The following NNMT variants were observed in gnomAD, a reference collection of about 807,000 sequenced individuals.
NNMT encodes the protein nicotinamide N-methyltransferase.
A neutral mutation model predicts 11.7 loss-of-function variants in NNMT; 10 were observed. That is an observed-to-expected ratio of 0.85 (90% CI 0.53 to 1.45). NNMT has a LOEUF of 1.45. Ranked by LOEUF, NNMT falls within the 40% of genes most tolerant of loss-of-function variation. NNMT has a pLI of 0.00. For synonymous variants in NNMT, 143 were observed against 133.8 expected, an observed-to-expected ratio of 1.07 and a Z score of -0.48; for missense variants, 381 against 319.4, an observed-to-expected ratio of 1.19 and a Z score of -1.47.
chr11:114,263,697 G>T (rs998124014), intron 2 of NNMT, among the ~76,000 whole-genome samples: 1 of 152,106 alleles, frequency 6.6e-6, no homozygotes, highest in African/African-American at 2.4e-5. Context: ...TAAAAGTCCC[G>T]AATTTCTGCC....
chr11:114,303,753 G>A (rs1365315349), intron 2 of NNMT, among the ~76,000 whole-genome samples: 1 of 151,982 alleles, frequency 6.6e-6, no homozygotes, highest in Non-Finnish European at 1.5e-5. Flanking sequence ...GTCTTGCTCT[G>A]TCACCCACAC....
chr11:114,272,560 G>A (rs1277858064), intron 2 of NNMT, among the ~76,000 whole-genome samples: 1 of 152,192 alleles, frequency 6.6e-6, no homozygotes, highest in Non-Finnish European at 1.5e-5. Context: ...AAGTCTCTGA[G>A]GTTTCTGAGG....
intron 2 of NNMT, among the ~76,000 whole-genome samples, chr11:114,288,542 CT>C (rs1398108583): frequency 6.6e-6 from 1 of 151,502 alleles, no homozygotes; most frequent in Admixed American, 6.6e-5. Flanking sequence ...TGTTAAATCA[CT>C]TTGTATTCCT....
chr11:114,299,452 T>C (rs1476454459), intron 2 of NNMT, among the ~76,000 whole-genome samples: 1 of 152,238 alleles, frequency 6.6e-6, no homozygotes, highest in African/African-American at 2.4e-5. Context: ...AACTACTTGG[T>C]CATGAAGTAT....
intron 2 of NNMT, among the ~76,000 whole-genome samples, chr11:114,286,384 C>T (rs577653866): frequency 2.0e-4 from 30 of 152,170 alleles, no homozygotes; most frequent in Non-Finnish European, 3.7e-4. Context: ...CCCTCTTCCC[C>T]CTGTGTTCTG....
chr11:114,278,541 G>A (rs139058833), intron 2 of NNMT, among the ~76,000 whole-genome samples: 338 of 152,226 alleles, frequency 2.2e-3, no homozygotes, highest in Non-Finnish European at 4.0e-3. Flanking sequence ...GATAGAACAG[G>A]CCAGTGCTCC....
chr11:114,311,245 C>T (rs1344167313), intron 2 of NNMT, among the ~76,000 whole-genome samples: 1 of 152,120 alleles, frequency 6.6e-6, no homozygotes, highest in Non-Finnish European at 1.5e-5. Context: ...GGGGAGGATC[C>T]CTTGAGCCCA....
chr11:114,305,751 T>A (rs61904720), intron 2 of NNMT, among the ~76,000 whole-genome samples: 1 of 151,836 alleles, frequency 6.6e-6, no homozygotes, highest in African/African-American at 2.4e-5. Flanking sequence ...TCTATCATTG[T>A]TGGACATTTG....
intron 2 of NNMT, among the ~76,000 whole-genome samples, chr11:114,269,114 G>A (rs1427282911): frequency 6.6e-6 from 1 of 152,000 alleles, no homozygotes; most frequent in Non-Finnish European, 1.5e-5. Flanking sequence ...GACACATTGT[G>A]TAAGTGCTAG....
intron 1 of NNMT, among the ~76,000 whole-genome samples, chr11:114,261,925 C>T (rs1202671989): frequency 1.3e-5 from 2 of 152,180 alleles, no homozygotes; most frequent in Non-Finnish European, 2.9e-5. Context: ...GAGGGAAGAT[C>T]AACCTCAGAT....
At chr11:114,268,797 A>G (rs1036313763) in intron 2 of NNMT, among the ~76,000 whole-genome samples, 4 of 151,558 alleles carry the variant, frequency 2.6e-5, no homozygotes, top group Non-Finnish European at 5.9e-5. Context: ...AAAAACTGAA[A>G]CAGCTGGTTC....
chr11:114,282,401 T>C (rs1026216984), intron 2 of NNMT, among the ~76,000 whole-genome samples: 3 of 152,118 alleles, frequency 2.0e-5, no homozygotes, highest in African/African-American at 7.2e-5. Flanking sequence ...TACAAGGAAC[T>C]ACTGCAAATC....
chr11:114,309,383 G>T (rs949511138), intron 2 of NNMT, among the ~76,000 whole-genome samples: 5 of 152,158 alleles, frequency 3.3e-5, no homozygotes, highest in African/African-American at 9.7e-5. Context: ...CTGCAAGGGG[G>T]ACTTAGAATA....
chr11:114,300,023 C>T (rs567426819), intron 2 of NNMT, among the ~76,000 whole-genome samples: 1 of 151,908 alleles, frequency 6.6e-6, no homozygotes, highest in Non-Finnish European at 1.5e-5. Context: ...GCTTTCTGCT[C>T]TTATTTTTGA....
At chr11:114,291,539 G>C (rs1364485971), upstream of NNMT, among the ~76,000 whole-genome samples, 1 of 152,136 alleles carries the variant, frequency 6.6e-6, no homozygotes, top group Non-Finnish European at 1.5e-5. Flanking sequence ...TCTGAGGTCT[G>C]GTTGTGGGCT....
At chr11:114,273,463 C>A (rs1945187766) in intron 2 of NNMT, among the ~76,000 whole-genome samples, 1 of 152,160 alleles carries the variant, frequency 6.6e-6, no homozygotes, top group African/African-American at 2.4e-5. Context: ...AATAAGAGAC[C>A]AAGAGTTCTG....
chr11:114,293,908 G>A (rs1399130185), upstream of NNMT, among the ~76,000 whole-genome samples: 1 of 152,104 alleles, frequency 6.6e-6, no homozygotes, highest in Non-Finnish European at 1.5e-5. Context: ...CAGATGAATG[G>A]ATAAAGACAA....
At chr11:114,296,236 C>A, upstream of NNMT, 1 of 227,568 alleles carries the variant, frequency 4.4e-6, no homozygotes, top group Non-Finnish European at 8.7e-6. Flanking sequence ...TCCCTCTGGT[C>A]TACAATCCCT....
intron 2 of NNMT, among the ~76,000 whole-genome samples, chr11:114,285,292 A>G (rs1442751299): frequency 6.6e-6 from 1 of 152,182 alleles, no homozygotes; most frequent in African/African-American, 2.4e-5. Context: ...TTTTCAACCC[A>G]AAGCTCTACG....
Sources: gnomAD v4.1 joint callset for allele counts (sites outside exome capture counted in the v4.1 genomes callset) on GRCh38, gnomAD v4.1.1 for gene constraint, MANE v1.5 for transcripts, NCBI Gene and HGNC (gene_info 2026-07-23, HGNC 2026-07-21) for gene names.